BATF: variants seen among roughly 807,000 people sequenced by gnomAD.
The protein encoded by BATF is basic leucine zipper ATF-like transcription factor.
BATF carries 5 observed loss-of-function variants against 13.7 expected under a neutral mutation model. The observed-to-expected ratio is 0.36, with a 90% CI of 0.19 to 0.77. BATF has a LOEUF of 0.77. Among genes scored for constraint, BATF ranks in the 30% least tolerant of loss-of-function variants. The pLI is 0.51. For missense variants in BATF, 124 were observed against 163.0 expected (o/e 0.76, Z 1.30); for synonymous variants, 72 against 67.5 (o/e 1.07, Z -0.33).
intron 2 of BATF, among the ~76,000 whole-genome samples, chr14:75,527,265 T>A (rs1438238817): frequency 6.6e-6 from 1 of 152,214 alleles, no homozygotes; most frequent in Non-Finnish European, 1.5e-5. Context: ...ACATTTTATA[T>A]ATATATGAAA....
In BATF at chr14:75,545,514, C is replaced by A. The variant is rs377733967; in HGVS notation, c.169-948C>A. ...CCTCCCAAAATGCTAGGATTATAGG[C>A]ATGAGCCACCGCACCTGGCCCCATT... On this transcript the variant is annotated intron_variant, in intron 2 of 2. Transcript: ENST00000286639. 3.3e-5 allele frequency among the ~76,000 whole-genome samples: 5 copies of A among 151,122 alleles called. No individual in the cohort carries two copies. In the East Asian group the frequency reaches 7.8e-4, roughly 24 times the overall value.
intron 2 of BATF, among the ~76,000 whole-genome samples, chr14:75,526,471 G>C (rs1380564885): frequency 6.6e-6 from 1 of 152,228 alleles, no homozygotes; most frequent in Non-Finnish European, 1.5e-5. Context: ...AGTTAGAATG[G>C]CTGTGTTAAC....
rs1765069988 is a variant in BATF at position 75,546,731 on chromosome 14, GC to G, written c.*63del. ...GGCACACAGACTGTGGCAGAGCTGC[GC>G]CCATCCCGCAGAGGCCCCTGTCCAC... On this transcript the variant is annotated 3_prime_UTR_variant, in exon 3 of 3. Coordinates refer to ENST00000286639, the MANE Select transcript of BATF (RefSeq NM_006399.5). 2.0e-6 allele frequency: 3 copies of G among 1,482,808 alleles called. No homozygotes were observed. In the South Asian group the frequency reaches 3.8e-5, roughly 19 times the overall value. 91.9% of individuals were successfully genotyped at this position (1,482,808 alleles called of 1,614,324 possible). A position where few individuals can be genotyped will look rare whatever the true frequency, so the allele number is the denominator to read the frequency against.
At chr14:75,542,262 G>T (rs1887907564) in intron 2 of BATF, among the ~76,000 whole-genome samples, 1 of 152,228 alleles carries the variant, frequency 6.6e-6, no homozygotes, top group African/African-American at 2.4e-5. Flanking sequence ...GATAATAACA[G>T]CTGACCTTCC....
chr14:75,525,659 C>CA (rs35718974), intron 2 of BATF, among the ~76,000 whole-genome samples: 7,482 of 105,420 alleles, frequency 0.071, 757 homozygotes, highest in African/African-American at 0.25. Flanking sequence ...AACTTCATCT[C>CA]AAAAAAAAAA....
At chr14:75,540,005 T>C (rs972609317) in intron 2 of BATF, among the ~76,000 whole-genome samples, 2 of 152,118 alleles carry the variant, frequency 1.3e-5, no homozygotes, top group African/African-American at 4.8e-5. Flanking sequence ...TAAGTGTAGG[T>C]GGGAGCCAAA....
intron 2 of BATF, among the ~76,000 whole-genome samples, chr14:75,546,256 T>C (rs1402449834): frequency 6.6e-6 from 1 of 152,204 alleles, no homozygotes; most frequent in Non-Finnish European, 1.5e-5. Context: ...CACCCACCCA[T>C]GTGCTTACGT....
intron 2 of BATF, among the ~76,000 whole-genome samples, chr14:75,539,299 C>A (rs146599785): frequency 1.3e-5 from 2 of 152,122 alleles, no homozygotes; most frequent in Non-Finnish European, 2.9e-5. Flanking sequence ...CAGGCTGTGC[C>A]TTTTTGGTAG....
At chr14:75,541,600 C>CA (rs1465459815) in intron 2 of BATF, among the ~76,000 whole-genome samples, 1 of 152,144 alleles carries the variant, frequency 6.6e-6, no homozygotes, top group East Asian at 1.9e-4. Context: ...TGTGGGTCAC[C>CA]AAAACCGAGA....
intron 2 of BATF, among the ~76,000 whole-genome samples, chr14:75,535,139 G>A (rs1249825086): frequency 6.6e-6 from 1 of 152,188 alleles, no homozygotes; most frequent in Non-Finnish European, 1.5e-5. Flanking sequence ...GGATGAGATG[G>A]CCAAGTGGGA....
chr14:75,544,754 A>T (rs368061087), intron 2 of BATF, among the ~76,000 whole-genome samples: 1 of 149,508 alleles, frequency 6.7e-6, no homozygotes, highest in African/African-American at 2.5e-5. Context: ...GAAAGGTAAG[A>T]CCTGGTCTCC....
At position 75,522,658 on chromosome 14, in the gene BATF, T is replaced by A; in HGVS notation, c.-25T>A. ...GAGCCCAGAGGTGCCTGGGGCTGAG[T>A]GTGAGAGCCCGGAAGATTTCAGCCA... On this transcript the variant is annotated 5_prime_UTR_variant, in exon 1 of 3. Transcript: ENST00000286639. The A allele has an allele frequency of 6.2e-7, 1 of 1,613,976 alleles. No individual in the cohort carries two copies. The highest frequency in any genetic ancestry group is 1.1e-5 in the South Asian group (1 of 91,080).
At chr14:75,545,525 G>A (rs146138800) in intron 2 of BATF, among the ~76,000 whole-genome samples, 10 of 150,690 alleles carry the variant, frequency 6.6e-5, no homozygotes, top group African/African-American at 2.2e-4. Context: ...ATGAGCCACC[G>A]CACCTGGCCC....
intron 1 of BATF, 64 bp downstream of exon 1, chr14:75,522,809 G>C (rs561498670): frequency 2.5e-6 from 4 of 1,601,536 alleles, no homozygotes; most frequent in Admixed American, 1.7e-5. Flanking sequence ...AGAGAGCCAG[G>C]CTTCCTTGTC....
At chr14:75,531,866 C>A (rs1275486064) in intron 2 of BATF, among the ~76,000 whole-genome samples, 2 of 152,116 alleles carry the variant, frequency 1.3e-5, no homozygotes, top group African/African-American at 2.4e-5. Flanking sequence ...GGAGACCATG[C>A]CATAATGTTT....
At chr14:75,531,912 G>A (rs1262423999) in intron 2 of BATF, among the ~76,000 whole-genome samples, 1 of 152,110 alleles carries the variant, frequency 6.6e-6, no homozygotes, top group Non-Finnish European at 1.5e-5. Context: ...GGAATGTTCA[G>A]GCTAGTTCCA....
intron 2 of BATF, among the ~76,000 whole-genome samples, chr14:75,545,622 C>T (rs1337873908): frequency 6.6e-6 from 1 of 152,074 alleles, no homozygotes; most frequent in African/African-American, 2.4e-5. Context: ...AGACGAAATG[C>T]AGACACCGGG....
chr14:75,528,995 A>G lies in BATF; in HGVS notation c.168+3807A>G, dbSNP rs138004247. Among the ~76,000 whole-genome samples, 3 of 152,372 alleles carry G rather than the reference A, an allele frequency of 2.0e-5. No homozygotes were observed. In the East Asian group the frequency reaches 5.8e-4, roughly 29 times the overall value. On this transcript the variant is annotated intron_variant, in intron 2 of 2. Transcript: ENST00000286639. ...AAAAGATTCAAATAATTGGAAAGATATACCTTATGTAAAGTTAGCAATTTT... is the reference window on the plus strand; with the variant it reads ...AAAAGATTCAAATAATTGGAAAGATGTACCTTATGTAAAGTTAGCAATTTT...
chr14:75,532,272 T>G (rs1418405360), intron 2 of BATF, among the ~76,000 whole-genome samples: 2 of 152,182 alleles, frequency 1.3e-5, no homozygotes, highest in African/African-American at 2.4e-5. Context: ...TCCTTGAATC[T>G]CTACATGAAT....
Sources: allele counts gnomAD v4.1 joint callset (sites outside exome capture counted in the v4.1 genomes callset), GRCh38; gene constraint gnomAD v4.1.1; transcripts MANE v1.5; gene names NCBI Gene and HGNC (gene_info 2026-07-23, HGNC 2026-07-21).